RAPGEF5: variants seen among roughly 807,000 people sequenced by gnomAD.
RAPGEF5 encodes Rap guanine nucleotide exchange factor 5, also known as M-Ras-regulated GEF.
Under a neutral mutation model 125.2 loss-of-function variants are expected in RAPGEF5, and 65 were observed. The observed-to-expected ratio is 0.52, with a 90% CI of 0.43 to 0.64. The LOEUF is 0.64. Among genes scored for constraint, RAPGEF5 ranks in the 30% least tolerant of loss-of-function variants. The pLI is 0.00. For missense variants in RAPGEF5, 958 were observed against 1,048.1 expected, an observed-to-expected ratio of 0.91 and a Z score of 1.19; for synonymous variants, 391 against 385.9, an observed-to-expected ratio of 1.01 and a Z score of -0.16.
intron 7 of RAPGEF5, among the ~76,000 whole-genome samples, chr7:22,240,610 T>G (rs1786306766): frequency 6.6e-6 from 1 of 152,068 alleles, no homozygotes; most frequent in Non-Finnish European, 1.5e-5. Flanking sequence ...TGACCTCAAG[T>G]GATCCGCCTG....
In RAPGEF5 at chr7:22,300,266, G is replaced by A. The variant is rs549601695; in HGVS notation, c.680+8073C>T. Among the ~76,000 whole-genome samples the A allele has an allele frequency of 3.3e-5, 5 of 152,116 alleles. 1 individual carries two copies. In the East Asian group the frequency reaches 9.7e-4, roughly 29 times the overall value. On this transcript the variant is annotated intron_variant, in intron 5 of 25. Transcript: ENST00000665637. ...TCAACAAATTTTTAATTTCAAGTAT[G>A]TTTTTCAGTTCTAAAACTACATTTG...
intron 1 of RAPGEF5, among the ~76,000 whole-genome samples, chr7:22,349,704 G>A (rs1784294067): frequency 6.6e-6 from 1 of 152,166 alleles, no homozygotes; most frequent in Non-Finnish European, 1.5e-5. Context: ...GACTTGAAAT[G>A]TTTCCTGCAT....
intron 12 of RAPGEF5, 144 bp from the exon 13 acceptor site, chr7:22,162,685 G>C (rs1784044390): frequency 3.6e-6 from 3 of 833,202 alleles, no homozygotes; most frequent in East Asian, 2.7e-5. Flanking sequence ...GAGAGCAAAA[G>C]GTGTGCACTG....
chr7:22,284,292 C>T (rs1188713377), intron 6 of RAPGEF5, among the ~76,000 whole-genome samples: 4 of 152,156 alleles, frequency 2.6e-5, no homozygotes, highest in African/African-American at 9.7e-5. Context: ...GGAGCTTTAG[C>T]CAGCATTCCA....
intron 3 of RAPGEF5, among the ~76,000 whole-genome samples, chr7:22,313,442 G>C (rs556590051): frequency 6.6e-6 from 1 of 152,276 alleles, no homozygotes; most frequent in East Asian, 1.9e-4. Context: ...TCATCCCTAG[G>C]TAATCACATG....
intron 1 of RAPGEF5, among the ~76,000 whole-genome samples, chr7:22,345,518 A>G (rs1027235466): frequency 6.6e-6 from 1 of 151,986 alleles, no homozygotes; most frequent in African/African-American, 2.4e-5. Context: ...TGAGTCTATT[A>G]AAAAAAAGAC....
rs375634992 is a variant in RAPGEF5, at chr7:22,255,996, A to C, written c.796+10968T>G. On this transcript the variant is annotated intron_variant, in intron 7 of 25. Coordinates refer to ENST00000665637, the MANE Select transcript of RAPGEF5 (RefSeq NM_012294.5). Reference sequence around the variant, plus strand: ...TCTCAGGGTGGCACCTCCTCTCTAAATCTTGTGATTGAGACAGTGCAAACA... The same window carrying C: ...TCTCAGGGTGGCACCTCCTCTCTAACTCTTGTGATTGAGACAGTGCAAACA... 1.2e-4 allele frequency among the ~76,000 whole-genome samples: 19 copies of C among 152,102 alleles called. 1 individual carries two copies. The East Asian group carries it at 1.3e-3, about 11-fold the overall frequency.
At chr7:22,302,859 G>A (rs1447162279) in intron 5 of RAPGEF5, among the ~76,000 whole-genome samples, 1 of 128,294 alleles carries the variant, frequency 7.8e-6, no homozygotes, top group Non-Finnish European at 1.6e-5. Context: ...AAACAAAGAA[G>A]CTACATTTTC....
intron 7 of RAPGEF5, among the ~76,000 whole-genome samples, chr7:22,250,702 A>G (rs1400055607): frequency 6.6e-6 from 1 of 152,214 alleles, no homozygotes; most frequent in East Asian, 1.9e-4. Context: ...CTAGGAAAAA[A>G]GTCGATAAAA....
At chr7:22,341,799 G>A (rs992447535) in intron 1 of RAPGEF5, among the ~76,000 whole-genome samples, 5 of 152,330 alleles carry the variant, frequency 3.3e-5, no homozygotes, top group African/African-American at 1.2e-4. Flanking sequence ...GCCTTGGGCA[G>A]CTCCACCCCT....
intron 7 of RAPGEF5, among the ~76,000 whole-genome samples, chr7:22,237,362 G>GC (rs1786218083): frequency 7.9e-6 from 1 of 126,846 alleles, no homozygotes; most frequent in East Asian, 2.4e-4. Context: ...TGTTGTTGCT[G>GC]TTTTTTTTTT....
intron 2 of RAPGEF5, among the ~76,000 whole-genome samples, chr7:22,315,880 T>C (rs1166618542): frequency 6.6e-6 from 1 of 152,100 alleles, no homozygotes; most frequent in African/African-American, 2.4e-5. Flanking sequence ...AATGCAAACA[T>C]ACACAGGTCT....
intron 11 of RAPGEF5, among the ~76,000 whole-genome samples, chr7:22,181,347 A>G (rs1046908032): frequency 3.3e-5 from 5 of 152,204 alleles, no homozygotes; most frequent in African/African-American, 1.2e-4. Context: ...AAGCTTACAT[A>G]TACTCATTCA....
chr7:22,219,829 C>T (rs1785735616), intron 9 of RAPGEF5, 37 bp downstream of exon 9: 3 of 1,537,258 alleles, frequency 2.0e-6, no homozygotes, highest in Non-Finnish European at 2.6e-6. Flanking sequence ...ATTTTCCACC[C>T]CTTCAAACCT....
At chr7:22,190,329 T>C (rs553367109) in intron 11 of RAPGEF5, among the ~76,000 whole-genome samples, 3 of 152,286 alleles carry the variant, frequency 2.0e-5, no homozygotes, top group Admixed American at 6.5e-5. Flanking sequence ...GATATCATAC[T>C]GGATGACTTC....
At chr7:22,221,480 T>C (rs1785787232) in intron 8 of RAPGEF5, among the ~76,000 whole-genome samples, 1 of 152,236 alleles carries the variant, frequency 6.6e-6, no homozygotes, top group Non-Finnish European at 1.5e-5. Context: ...ATATATCTGA[T>C]ATGGTTTTGC....
chr7:22,178,417 C>A (rs1784575626), intron 11 of RAPGEF5, among the ~76,000 whole-genome samples: 1 of 152,206 alleles, frequency 6.6e-6, no homozygotes. Flanking sequence ...CACAAGACTG[C>A]ATCCCACTTC....
intron 21 of RAPGEF5, 34 bp from the exon 22 acceptor site, chr7:22,137,017 C>A (rs1443377906): frequency 4.0e-6 from 6 of 1,496,318 alleles, no homozygotes; most frequent in Non-Finnish European, 4.6e-6. Context: ...AACAGAAGGT[C>A]ACAGAAGTTG....
intron 24 of RAPGEF5, among the ~76,000 whole-genome samples, chr7:22,128,434 G>C (rs1328789780): frequency 6.6e-6 from 1 of 152,122 alleles, no homozygotes; most frequent in Non-Finnish European, 1.5e-5. Context: ...CTGTTAGCTG[G>C]CTTAAGTTAA....
Sources: gnomAD v4.1 joint callset for allele counts (sites outside exome capture counted in the v4.1 genomes callset) on GRCh38, gnomAD v4.1.1 for gene constraint, MANE v1.5 for transcripts, NCBI Gene and HGNC (gene_info 2026-07-23, HGNC 2026-07-21) for gene names.